The following CDK14 variants were observed in gnomAD, a reference collection of about 807,000 sequenced individuals.
The protein encoded by CDK14 is cyclin dependent kinase 14, also known as cyclin-dependent kinase 14.
CDK14 carries 34 observed loss-of-function variants against 60.7 expected under a neutral mutation model. The observed-to-expected ratio is 0.56, with a 90% CI of 0.43 to 0.75. The LOEUF (loss-of-function observed/expected upper bound fraction) is 0.75. CDK14 is among the 30% of genes least tolerant of loss of function. The pLI, the probability that CDK14 is intolerant of heterozygous loss-of-function variation, is 0.00. For synonymous variants in CDK14, 197 were observed against 203.7 expected (o/e 0.97, Z 0.28); for missense variants, 482 against 564.1 (o/e 0.85, Z 1.47).
rs559071316 is a variant in CDK14, at chr7:90,620,708, G to A, written c.123+16459G>A. Among the ~76,000 whole-genome samples, 3 of 152,260 alleles carry A rather than the reference G, an allele frequency of 2.0e-5. No homozygotes were observed. In the East Asian group the frequency reaches 5.8e-4, roughly 29 times the overall value. On this transcript the variant is annotated intron_variant, in intron 2 of 14. Coordinates refer to ENST00000380050, the MANE Select transcript of CDK14 (RefSeq NM_001287135.2). ...TGTGCCTCTCAAAGCATTGGCACAT[G>A]CAGTGTGGTGCTGCACGTGACATTT...
intron 10 of CDK14, among the ~76,000 whole-genome samples, chr7:91,000,154 A>G (rs1795799999): frequency 6.6e-6 from 1 of 152,226 alleles, no homozygotes; most frequent in South Asian, 2.1e-4. Flanking sequence ...AATACACAGC[A>G]GAATGCTCAC....
chr7:90,709,817 A>G (rs1047308289), intron 2 of CDK14: 5 of 1,418,446 alleles, frequency 3.5e-6, no homozygotes, highest in Non-Finnish European at 3.7e-6. Flanking sequence ...TGGTTGTAGT[A>G]CGGCCGTACC....
intron 12 of CDK14, among the ~76,000 whole-genome samples, chr7:91,083,408 A>G (rs745539314): frequency 1.3e-5 from 2 of 152,072 alleles, no homozygotes. Flanking sequence ...TCTTCACCAC[A>G]TGCCATACCC....
intron 14 of CDK14, among the ~76,000 whole-genome samples, chr7:91,204,650 T>C (rs1259980892): frequency 2.6e-5 from 4 of 152,156 alleles, no homozygotes; most frequent in African/African-American, 9.7e-5. Context: ...AACAGCCACA[T>C]GAAAGAGTCC....
intron 5 of CDK14, among the ~76,000 whole-genome samples, chr7:90,832,557 G>A (rs1344276994): frequency 6.6e-6 from 1 of 151,938 alleles, no homozygotes; most frequent in Non-Finnish European, 1.5e-5. Flanking sequence ...AAGAAGATAG[G>A]TATGTTTAAA....
rs191030287 is a variant in CDK14, at chr7:90,929,128, G to A, written c.826+11404G>A. Among the ~76,000 whole-genome samples the A allele has an allele frequency of 3.6e-3, 547 of 152,252 alleles. 1 individual carries two copies. Among genetic ancestry groups the A allele is most frequent in the Non-Finnish European group, 6.1e-3 (415 of 68,022 alleles). ...TTCCATTTTCTCGATTTTCTGTCAC[G>A]GCTTCTCTTTGCTAGGAAAGGGAAT... On this transcript the variant is annotated intron_variant, in intron 8 of 14. Transcript: ENST00000380050.
chr7:90,847,134 G>T (rs926169204), intron 5 of CDK14, among the ~76,000 whole-genome samples: 1 of 152,140 alleles, frequency 6.6e-6, no homozygotes, highest in Non-Finnish European at 1.5e-5. Flanking sequence ...GCAATCTGGA[G>T]GTGTTCTTGG....
intron 10 of CDK14, among the ~76,000 whole-genome samples, chr7:90,985,616 G>A (rs991709566): frequency 6.6e-6 from 1 of 152,130 alleles, no homozygotes; most frequent in African/African-American, 2.4e-5. Flanking sequence ...GTAGAACGTA[G>A]CGATACAAAC....
At chr7:90,746,033 A>G (rs1464177564) in intron 3 of CDK14, among the ~76,000 whole-genome samples, 6 of 152,120 alleles carry the variant, frequency 3.9e-5, no homozygotes, top group African/African-American at 1.4e-4. Context: ...AGATGCCTCC[A>G]CAGCTTGCTT....
rs59565390 is a variant in CDK14 at position 91,184,204 on chromosome 7, T to TAAAA, written c.*29-22943_*29-22940dup. 1.1e-4 allele frequency among the ~76,000 whole-genome samples: 4 copies of TAAAA among 36,664 alleles called. 1 individual carries two copies. Among genetic ancestry groups the TAAAA allele is most frequent in the African/African-American group, 3.8e-4 (3 of 7,960 alleles). 24.1% of individuals were successfully genotyped at this position (36,664 alleles called of 152,430 possible). A position where few individuals can be genotyped will look rare whatever the true frequency, so the allele number is the denominator to read the frequency against. On this transcript the variant is annotated intron_variant, in intron 14 of 14. Coordinates refer to ENST00000380050, the MANE Select transcript of CDK14 (RefSeq NM_001287135.2). ...TGGGTGACAGAGTGAGGCTCCGTCTTAAAAAAAAAAAAAAAAAAAAATTAG... is the reference window on the plus strand; with the variant it reads ...TGGGTGACAGAGTGAGGCTCCGTCTTAAAAAAAAAAAAAAAAAAAAAAAAATTAG...
intron 10 of CDK14, among the ~76,000 whole-genome samples, chr7:90,993,061 G>C (rs996969137): frequency 6.6e-6 from 1 of 152,148 alleles, no homozygotes; most frequent in South Asian, 2.1e-4. Context: ...GAGGAAGAAT[G>C]TCCAGAGGAT....
intron 9 of CDK14, among the ~76,000 whole-genome samples, chr7:90,962,926 A>G (rs1794643298): frequency 6.6e-6 from 1 of 152,172 alleles, no homozygotes. Flanking sequence ...TAGAACGTCA[A>G]TCAGCCAAGC....
At chr7:90,704,022 G>A (rs1174415752) in intron 2 of CDK14, among the ~76,000 whole-genome samples, 1 of 152,184 alleles carries the variant, frequency 6.6e-6, no homozygotes, top group Admixed American at 6.5e-5. Context: ...GAAGCTGGGA[G>A]GTCCAGCCTG....
At chr7:91,132,914 C>A (rs927436352) in intron 14 of CDK14, among the ~76,000 whole-genome samples, 1 of 152,226 alleles carries the variant, frequency 6.6e-6, no homozygotes, top group South Asian at 2.1e-4. Context: ...CAGCATATTA[C>A]AACATGTTTC....
intron 5 of CDK14, among the ~76,000 whole-genome samples, chr7:90,820,277 T>G (rs2117074648): frequency 6.6e-6 from 1 of 152,264 alleles, no homozygotes; most frequent in South Asian, 2.1e-4. Context: ...ATCCCACCAA[T>G]CCAAGACCTT....
intron 5 of CDK14, among the ~76,000 whole-genome samples, chr7:90,859,745 C>T (rs1790943504): frequency 6.6e-6 from 1 of 152,092 alleles, no homozygotes; most frequent in Non-Finnish European, 1.5e-5. Context: ...ACCCAAATTT[C>T]ATCATTTACA....
intron 9 of CDK14, among the ~76,000 whole-genome samples, chr7:90,980,766 T>G (rs900475326): frequency 3.9e-5 from 6 of 152,162 alleles, no homozygotes; most frequent in African/African-American, 1.4e-4. Flanking sequence ...AAAATCCAAG[T>G]CTTAGCCAGC....
intron 1 of CDK14, among the ~76,000 whole-genome samples, chr7:90,602,037 G>T (rs1799327693): frequency 6.6e-6 from 1 of 152,116 alleles, no homozygotes; most frequent in African/African-American, 2.4e-5. Flanking sequence ...AAACTCCTGA[G>T]CTCTGGCGAC....
At chr7:91,157,118 G>A (rs1339378315) in intron 14 of CDK14, among the ~76,000 whole-genome samples, 1 of 152,154 alleles carries the variant, frequency 6.6e-6, no homozygotes, top group African/African-American at 2.4e-5. Flanking sequence ...CATCAGAGAG[G>A]TTGCTGAATC....
Sources: allele counts gnomAD v4.1 joint callset (sites outside exome capture counted in the v4.1 genomes callset), GRCh38; gene constraint gnomAD v4.1.1; transcripts MANE v1.5; gene names NCBI Gene and HGNC (gene_info 2026-07-23, HGNC 2026-07-21).